The following ANG variants were observed in gnomAD, a reference collection of about 807,000 sequenced individuals.
ANG encodes the protein angiogenin.
For missense variants in ANG, 178 were observed against 187.4 expected (o/e 0.95, Z 0.29); for synonymous variants, 74 against 73.8 (o/e 1.00, Z -0.02).
chr14:20,691,815 A>T (rs1046410221), intron 1 of ANG, among the ~76,000 whole-genome samples: 1 of 152,262 alleles, frequency 6.6e-6, no homozygotes, highest in Non-Finnish European at 1.5e-5. Flanking sequence ...TGCAAATTAG[A>T]AAGAGAGCCC....
chr14:20,691,837 C>A (rs1886767031), intron 1 of ANG, among the ~76,000 whole-genome samples: 1 of 152,200 alleles, frequency 6.6e-6, no homozygotes, highest in Admixed American at 6.5e-5. Flanking sequence ...CTTTGCTCAC[C>A]CAGTCACGTC....
At chr14:20,689,915 C>CAAA (rs58958050) in intron 1 of ANG, among the ~76,000 whole-genome samples, 50 of 121,536 alleles carry the variant, frequency 4.1e-4, no homozygotes, top group South Asian at 1.3e-3. Context: ...GACTCTGTCT[C>CAAA]AAAAAAAAAA....
At chr14:20,692,903 A>G (rs1404226155) in intron 1 of ANG, among the ~76,000 whole-genome samples, 2 of 152,004 alleles carry the variant, frequency 1.3e-5, no homozygotes, top group African/African-American at 4.8e-5. Flanking sequence ...GCTGGAGTGC[A>G]GTGGCGCGAT....
upstream of ANG, among the ~76,000 whole-genome samples, chr14:20,687,482 G>T (rs1243298159): frequency 6.6e-6 from 1 of 152,228 alleles, no homozygotes; most frequent in Non-Finnish European, 1.5e-5. Context: ...GGCTGTGTGT[G>T]TGCAGGCGCA....
At chr14:20,685,161 A>G (rs976104180), upstream of ANG, among the ~76,000 whole-genome samples, 1 of 152,068 alleles carries the variant, frequency 6.6e-6, no homozygotes, top group African/African-American at 2.4e-5. Flanking sequence ...ACATTTGGGG[A>G]TCGGTGTTTT....
Position 20,688,803 on chromosome 14 carries a change from A to G in ANG, c.-90A>G, listed in dbSNP as rs1886548279. ...GTTCACACAACTGGAACCCATCTCC[A>G]GGAACAAACAGCTGGAACCCATCTC... On this transcript the variant is annotated 5_prime_UTR_variant, in exon 1 of 2. Coordinates refer to ENST00000397990, the MANE Select transcript of ANG (RefSeq NM_001097577.3). The G allele has an allele frequency of 3.0e-6, 3 of 985,312 alleles. No individual in the cohort carries two copies. Among genetic ancestry groups the G allele is most frequent in the African/African-American group, 1.7e-5 (1 of 57,232 alleles). 61.0% of individuals were successfully genotyped at this position (985,312 alleles called of 1,614,324 possible).
intron 1 of ANG, 55 bp from the exon 2 acceptor site, chr14:20,693,492 C>A: frequency 6.2e-7 from 1 of 1,600,212 alleles, no homozygotes; most frequent in Non-Finnish European, 8.5e-7. Flanking sequence ...GTCCTTTTGG[C>A]CTAATTTGGT....
rs1886974489 is a variant in ANG at position 20,694,028 on chromosome 14, G to C, written c.*20G>C. On this transcript the variant is annotated 3_prime_UTR_variant, in exon 2 of 2. Transcript: ENST00000397990. The stretch of plus-strand genomic sequence containing the variant: ...CCGTAACCAGCGGGCCCCTGGTCAA[G>C]TGCTGGCTCTGCTGTCCTTGCCTTC... 8 of 1,614,074 alleles carry C rather than the reference G, an allele frequency of 5.0e-6. No individual in the cohort carries two copies. The Middle Eastern group carries it at 1.3e-3, about 266-fold the overall frequency.
chr14:20,693,957 T>C lies in ANG; in HGVS notation c.393T>C (p.Cys131=). The C allele has an allele frequency of 4.3e-6, 7 of 1,614,132 alleles. No individual in the cohort carries two copies. The highest frequency in any genetic ancestry group is 5.9e-6 in the Non-Finnish European group (7 of 1,180,024). Residue 131 remains cysteine (C), a synonymous_variant, in exon 2 of 2, where the codon TGT becomes TGC. Transcript: ENST00000397990. ...GGTTCAGAAACGTTGTTGTTGCTTGTGAAAATGGCTTACCTGTCCACTTGG... is the reference window on the plus strand; with the variant it reads ...GGTTCAGAAACGTTGTTGTTGCTTGCGAAAATGGCTTACCTGTCCACTTGG... ...TAGFRNVVVA[C]ENGLPVHLDQ...
chr14:20,686,167 T>C (rs1418158964), upstream of ANG, among the ~76,000 whole-genome samples: 2 of 151,912 alleles, frequency 1.3e-5, no homozygotes, highest in South Asian at 2.1e-4. Flanking sequence ...ATATGAGGGG[T>C]GGACAGAGTC....
upstream of ANG, among the ~76,000 whole-genome samples, chr14:20,686,086 G>C (rs1269007181): frequency 2.6e-5 from 4 of 151,552 alleles, no homozygotes; most frequent in Non-Finnish European, 5.9e-5. Flanking sequence ...AAAGCTTCCA[G>C]GCCGGCGAAT....
At chr14:20,685,328 T>C (rs1159780225), upstream of ANG, among the ~76,000 whole-genome samples, 1 of 152,202 alleles carries the variant, frequency 6.6e-6, no homozygotes, top group African/African-American at 2.4e-5. Flanking sequence ...CAAATGCTAA[T>C]AGCAGCACAT....
At chr14:20,687,389 C>T (rs1368220933), upstream of ANG, among the ~76,000 whole-genome samples, 1 of 152,238 alleles carries the variant, frequency 6.6e-6, no homozygotes, top group African/African-American at 2.4e-5. Flanking sequence ...GGTTGCCCCA[C>T]CTCAGCACTA....
At chr14:20,690,321 G>A (rs1057220538) in intron 1 of ANG, among the ~76,000 whole-genome samples, 5 of 151,766 alleles carry the variant, frequency 3.3e-5, no homozygotes, top group Non-Finnish European at 5.9e-5. Flanking sequence ...AGACAGTTAC[G>A]TGTTTGGGTA....
chr14:20,690,544 G>A (rs571259903), intron 1 of ANG, among the ~76,000 whole-genome samples: 4 of 152,260 alleles, frequency 2.6e-5, no homozygotes, highest in South Asian at 2.1e-4. Flanking sequence ...TTTGGTGTAC[G>A]CTTGCTGAGA....
chr14:20,687,898 A>G (rs550170988), upstream of ANG, among the ~76,000 whole-genome samples: 1 of 152,180 alleles, frequency 6.6e-6, no homozygotes, highest in East Asian at 1.9e-4. Flanking sequence ...AAAAGATAAC[A>G]CTGTCCTAGA....
chr14:20,692,050 C>T (rs966956548), intron 1 of ANG, among the ~76,000 whole-genome samples: 2 of 152,038 alleles, frequency 1.3e-5, no homozygotes, highest in East Asian at 1.9e-4. Context: ...CTATTTGATA[C>T]GAAAATGTTC....
rs1003934225 is a variant in ANG, at chr14:20,694,013, C to T, written c.*5C>T. 4.3e-6 allele frequency: 7 copies of T among 1,614,098 alleles called. No homozygotes were observed. The highest frequency in any genetic ancestry group is 1.1e-5 in the South Asian group (1 of 91,072). On this transcript the variant is annotated 3_prime_UTR_variant, in exon 2 of 2. Transcript: ENST00000397990. ...TCAATTTTCCGTCGTCCGTAACCAGCGGGCCCCTGGTCAAGTGCTGGCTCT... is the reference window on the plus strand; with the variant it reads ...TCAATTTTCCGTCGTCCGTAACCAGTGGGCCCCTGGTCAAGTGCTGGCTCT...
chr14:20,693,086 A>G (rs191644287), intron 1 of ANG, among the ~76,000 whole-genome samples: 1,720 of 152,010 alleles, frequency 0.011, 127 homozygotes, highest in Admixed American at 0.11. Flanking sequence ...TGACCTCGTG[A>G]TCCGCCCGCC....
Sources: allele counts gnomAD v4.1 joint callset (sites outside exome capture counted in the v4.1 genomes callset), GRCh38; gene constraint gnomAD v4.1.1; transcripts MANE v1.5; gene names NCBI Gene and HGNC (gene_info 2026-07-23, HGNC 2026-07-21).